Variants in SEH1L observed in about 807,000 individuals in gnomAD.
SEH1L encodes SEH1 like nucleoporin.
In SEH1L, 18 loss-of-function variants were observed where a neutral mutation model predicts 49.5. The observed-to-expected ratio is 0.36, with a 90% CI of 0.25 to 0.54. SEH1L has a LOEUF of 0.54. Among genes scored for constraint, SEH1L ranks in the 20% least tolerant of loss-of-function variants. SEH1L has a pLI of 0.87. For missense variants in SEH1L, 404 were observed against 528.8 expected, an observed-to-expected ratio of 0.76 and a Z score of 2.31; for synonymous variants, 169 against 178.1, an observed-to-expected ratio of 0.95 and a Z score of 0.41.
Position 12,984,000 on chromosome 18 carries a change from G to A in SEH1L, c.920-40G>A, listed in dbSNP as rs2032370520. On this transcript the variant is annotated intron_variant, in intron 7 of 8. Coordinates refer to ENST00000399892, the MANE Select transcript of SEH1L (RefSeq NM_001013437.2). ...TACAGATTTGTGCCCTTAGGCATTG[G>A]TATTAATCATGTTAATGTATTTGAT... The A allele has an allele frequency of 2.6e-6, 4 of 1,547,838 alleles. No homozygotes were observed. The South Asian group carries it at 4.5e-5, about 17-fold the overall frequency.
chr18:12,949,009 C>G (rs918760303), intron 1 of SEH1L, among the ~76,000 whole-genome samples: 1 of 151,902 alleles, frequency 6.6e-6, no homozygotes, highest in East Asian at 1.9e-4. Flanking sequence ...GCCACCACCC[C>G]CGGCTAATCT....
intron 2 of SEH1L, among the ~76,000 whole-genome samples, chr18:12,953,376 G>A (rs2030663346): frequency 6.6e-6 from 1 of 152,230 alleles, no homozygotes; most frequent in Non-Finnish European, 1.5e-5. Context: ...ATGCGTAGGA[G>A]TGGAATTGAT....
At chr18:12,981,221 TG>T (rs1227175115) in intron 6 of SEH1L, among the ~76,000 whole-genome samples, 1 of 148,700 alleles carries the variant, frequency 6.7e-6, no homozygotes, top group East Asian at 2.0e-4. Context: ...CTTTCCAGAC[TG>T]GGCAGCCAGG....
intron 5 of SEH1L, chr18:12,971,701 A>G (rs2031710775): frequency 1.3e-5 from 2 of 153,876 alleles, no homozygotes; most frequent in African/African-American, 4.8e-5. Context: ...TGAAACAAAA[A>G]ATAATAGTAA....
At chr18:12,986,299 C>T (rs1439524283) in intron 8 of SEH1L, 1 of 985,384 alleles carries the variant, frequency 1.0e-6, no homozygotes, top group African/African-American at 1.7e-5. Context: ...TTCTGTGAAT[C>T]CTTTTACTTA....
At chr18:12,965,747 A>T (rs1001048710) in intron 4 of SEH1L, among the ~76,000 whole-genome samples, 1 of 152,116 alleles carries the variant, frequency 6.6e-6, no homozygotes, top group African/African-American at 2.4e-5. Flanking sequence ...ATATTTTGAC[A>T]TTTTTTATGA....
rs1419683530 is a variant in SEH1L at position 12,963,376 on chromosome 18, GT to G, written c.521+8del. The stretch of plus-strand genomic sequence containing the variant: ...TATTTCTTGGAACCCTTCAAGGTAA[GT>G]TTACATATTAAACCTCTGATAACAT... On this transcript the variant is annotated splice_donor_region_variant and intron_variant, in intron 4 of 8. Coordinates refer to ENST00000399892, the MANE Select transcript of SEH1L (RefSeq NM_001013437.2). 5.0e-6 allele frequency: 8 copies of G among 1,606,480 alleles called. No individual in the cohort carries two copies. The highest frequency in any genetic ancestry group is 6.8e-6 in the Non-Finnish European group (8 of 1,173,332).
chr18:12,949,713 A>G (rs1284724703), intron 1 of SEH1L, among the ~76,000 whole-genome samples: 1 of 152,060 alleles, frequency 6.6e-6, no homozygotes, highest in Non-Finnish European at 1.5e-5. Context: ...TCGGCCTCCC[A>G]AAGTGCTAGG....
At position 12,955,552 on chromosome 18, in the gene SEH1L, T is replaced by C. The variant is rs1184680004; in HGVS notation, c.252T>C (p.Ala84=). 1.9e-6 allele frequency: 3 copies of C among 1,614,070 alleles called. No homozygotes were observed. The Admixed American group carries it at 5.0e-5, about 27-fold the overall frequency. The part of the protein sequence containing the change: ...LASCSFDRTA[A]VWEEIVGESN... ...CCTGTTCTTTTGACCGAACAGCTGCTGTATGGGAAGAAATAGTAGGAGAAT... is the reference window on the plus strand; with the variant it reads ...CCTGTTCTTTTGACCGAACAGCTGCCGTATGGGAAGAAATAGTAGGAGAAT... Residue 84 remains alanine, a synonymous_variant, in exon 3 of 9, where the codon GCT becomes GCC. Coordinates refer to ENST00000399892, the MANE Select transcript of SEH1L (RefSeq NM_001013437.2).
intron 4 of SEH1L, among the ~76,000 whole-genome samples, chr18:12,966,203 C>T (rs1364659313): frequency 6.6e-6 from 1 of 150,694 alleles, no homozygotes; most frequent in Non-Finnish European, 1.5e-5. Context: ...AGAGATTCTC[C>T]TGCCTCAGCC....
chr18:12,975,498 G>A (rs1186609684), intron 5 of SEH1L, among the ~76,000 whole-genome samples: 1 of 151,786 alleles, frequency 6.6e-6, no homozygotes, highest in Non-Finnish European at 1.5e-5. Context: ...GTTTGAGCAT[G>A]AATCTTGAAA....
chr18:12,984,829 A>G (rs1180247413), intron 8 of SEH1L: 1 of 156,942 alleles, frequency 6.4e-6, no homozygotes, highest in Non-Finnish European at 1.4e-5. Context: ...TTTGTGAATA[A>G]TTTGGAATAG....
Position 12,987,039 on chromosome 18 carries a change from T to C in SEH1L, c.1248T>C (p.Pro416=). The C allele has an allele frequency of 6.2e-7, 1 of 1,608,436 alleles. No homozygotes were observed. Among genetic ancestry groups the C allele is most frequent in the Non-Finnish European group, 8.5e-7 (1 of 1,176,474 alleles). ...RYLSRPLNPL[P]ENEGI Reference sequence around the variant, plus strand: ...TCTCTCGGCCTCTTAATCCCTTACCTGAGAATGAAGGGATTTAAAACACTG... The same window carrying C: ...TCTCTCGGCCTCTTAATCCCTTACCCGAGAATGAAGGGATTTAAAACACTG... Residue 416 remains proline, a synonymous_variant, in exon 9 of 9, where the codon CCT becomes CCC. Coordinates refer to ENST00000399892, the MANE Select transcript of SEH1L (RefSeq NM_001013437.2).
In SEH1L at chr18:12,984,041, T is replaced by C; in HGVS notation, c.921T>C (p.Ala307=). The change falls in exon 8 of 9, where the codon GCT becomes GCC. Residue 307 remains alanine (A), a splice_region_variant and synonymous_variant. Coordinates refer to ENST00000399892, the MANE Select transcript of SEH1L (RefSeq NM_001013437.2). ...TGTATTTGATTATTTTCCTTTCAGCTAATTATATGGACAATTGGAAGTGTA... is the reference window on the plus strand; with the variant it reads ...TGTATTTGATTATTTTCCTTTCAGCCAATTATATGGACAATTGGAAGTGTA... The part of the protein sequence containing the change: ...GDDGCVRLWK[A]NYMDNWKCTG... The C allele has an allele frequency of 6.2e-7, 1 of 1,612,442 alleles. No homozygotes were observed. Among genetic ancestry groups the C allele is most frequent in the East Asian group, 2.2e-5 (1 of 44,876 alleles).
intron 5 of SEH1L, chr18:12,972,722 T>C (rs2145644820): frequency 6.6e-6 from 1 of 152,366 alleles, no homozygotes; most frequent in African/African-American, 2.4e-5. Flanking sequence ...TCAACAGTGC[T>C]GTCCAGTAGA....
At chr18:12,958,088 T>TGAGA (rs2030985605) in intron 3 of SEH1L, among the ~76,000 whole-genome samples, 1 of 120,308 alleles carries the variant, frequency 8.3e-6, no homozygotes, top group African/African-American at 3.7e-5. Flanking sequence ...TTTTTTTTTT[T>TGAGA]TTTTTTTTTT....
intron 3 of SEH1L, among the ~76,000 whole-genome samples, chr18:12,962,804 C>T (rs1398633971): frequency 6.6e-6 from 1 of 151,908 alleles, no homozygotes; most frequent in Non-Finnish European, 1.5e-5. Context: ...ATGCTTGCAG[C>T]ATGCTTTGTG....
At chr18:12,982,887 C>T in intron 7 of SEH1L, 1 of 415,018 alleles carries the variant, frequency 2.4e-6, no homozygotes, top group South Asian at 4.1e-5. Flanking sequence ...GAGCAGTTTT[C>T]AAAACTAAAG....
intron 6 of SEH1L, among the ~76,000 whole-genome samples, chr18:12,980,642 C>T (rs1392302309): frequency 7.6e-6 from 1 of 131,414 alleles, no homozygotes; most frequent in Non-Finnish European, 1.6e-5. Flanking sequence ...TAGGGGCGGC[C>T]GGGCAGAGGC....
Sources: gnomAD v4.1 joint callset for allele counts (sites outside exome capture counted in the v4.1 genomes callset) on GRCh38, gnomAD v4.1.1 for gene constraint, MANE v1.5 for transcripts, NCBI Gene and HGNC (gene_info 2026-07-23, HGNC 2026-07-21) for gene names.